Variants in GMCL1 observed in about 807,000 individuals in gnomAD.
The protein encoded by GMCL1 is germ cell-less 1, spermatogenesis associated, also known as germ cell-less protein-like 1.
Under a neutral mutation model 75.5 loss-of-function variants are expected in GMCL1, and 54 were observed. The observed-to-expected ratio is 0.71, with a 90% CI of 0.57 to 0.90. The LOEUF (loss-of-function observed/expected upper bound fraction) is 0.90, where lower values mean the gene tolerates loss of function less well. Ranked by LOEUF, GMCL1 falls within the 40% of genes least tolerant of loss-of-function variation. GMCL1 has a pLI of 0.00. For synonymous variants in GMCL1, 210 were observed against 209.6 expected (o/e 1.00, Z -0.02); for missense variants, 537 against 622.7 (o/e 0.86, Z 1.47).
chr2:69,854,361 TA>T (rs1675410071), intron 8 of GMCL1, among the ~76,000 whole-genome samples: 1 of 152,188 alleles, frequency 6.6e-6, no homozygotes, highest in African/African-American at 2.4e-5. Context: ...ATTAATATAT[TA>T]ACTAGTGTTC....
At chr2:69,839,423 A>G in intron 2 of GMCL1, 34 bp from the exon 3 acceptor site, 1 of 1,286,088 alleles carries the variant, frequency 7.8e-7, no homozygotes, top group East Asian at 2.3e-5. Flanking sequence ...CACAGAAAGT[A>G]CTTGATAATC....
intron 8 of GMCL1, among the ~76,000 whole-genome samples, chr2:69,852,621 C>T (rs922066775): frequency 2.6e-5 from 4 of 151,950 alleles, no homozygotes; most frequent in Non-Finnish European, 5.9e-5. Context: ...TCAGTGCAAC[C>T]TCCACCTCCC....
intron 10 of GMCL1, 129 bp downstream of exon 10, chr2:69,861,476 A>T: frequency 1.8e-6 from 1 of 544,556 alleles, no homozygotes; most frequent in Non-Finnish European, 3.3e-6. Flanking sequence ...TCATATAATC[A>T]CTTTTTATTA....
At chr2:69,871,945 G>T in intron 13 of GMCL1, 113 bp downstream of exon 13, 2 of 671,050 alleles carry the variant, frequency 3.0e-6, no homozygotes, top group South Asian at 1.9e-5. Context: ...CCTAAAAGTT[G>T]GTTTAAAAGT....
chr2:69,854,478 G>C (rs985331881), intron 8 of GMCL1, among the ~76,000 whole-genome samples: 4 of 152,140 alleles, frequency 2.6e-5, no homozygotes, highest in African/African-American at 9.7e-5. Flanking sequence ...TCACTGGCCT[G>C]TTCAGGTCTT....
intron 8 of GMCL1, among the ~76,000 whole-genome samples, chr2:69,853,312 G>A (rs954971431): frequency 2.6e-5 from 4 of 152,164 alleles, no homozygotes; most frequent in African/African-American, 9.7e-5. Context: ...ATAAATAAGT[G>A]AAGTTAACTA....
In GMCL1 at chr2:69,830,062, G is replaced by C. The variant is rs1674625369; in HGVS notation, c.170G>C (p.Gly57Ala). Residue 57 changes from glycine to alanine, a missense_variant, in exon 1 of 14, where the codon GGG becomes GCG. Physicochemically the swap from Gly to Ala is moderately conservative, Grantham distance 60. Transcript: ENST00000282570. ...AGCCACAAGCGCAAGCGGAGCAGCG[G>C]GTCCTTCTGCTACTGTCACCCTGAC... ...AGSHKRKRSS[G>A]SFCYCHPDSE... 1 of 1,570,426 alleles carries C rather than the reference G, an allele frequency of 6.4e-7. No individual in the cohort carries two copies. Among genetic ancestry groups the C allele is most frequent in the African/African-American group, 1.4e-5 (1 of 74,054 alleles).
intron 12 of GMCL1, among the ~76,000 whole-genome samples, chr2:69,870,218 AAT>A (rs1675947318): frequency 6.6e-6 from 1 of 151,996 alleles, no homozygotes; most frequent in African/African-American, 2.4e-5. Context: ...TAAAGGATTT[AAT>A]ATGTTAAATT....
At chr2:69,859,768 G>A (rs2104010985) in intron 9 of GMCL1, among the ~76,000 whole-genome samples, 1 of 95,562 alleles carries the variant, frequency 1.0e-5, no homozygotes, top group East Asian at 3.5e-4. Flanking sequence ...AGTATATATG[G>A]GATGTTTTAA....
intron 6 of GMCL1, among the ~76,000 whole-genome samples, chr2:69,846,445 T>C (rs1001555892): frequency 6.6e-6 from 1 of 152,222 alleles, no homozygotes; most frequent in Non-Finnish European, 1.5e-5. Context: ...TGAGAGGATG[T>C]GCATAGGTTA....
chr2:69,878,938 G>A lies in GMCL1; in HGVS notation c.1482G>A (p.Arg494=). The part of the protein sequence containing the change: ...QEQVVMNLDS[R]LLIFPLYICC... ...AAGTGGTGATGAACTTGGACAGCAG[G>A]CTTCTGATCTTCCCTTTATATATCT... Residue 494 remains arginine, a synonymous_variant, in exon 14 of 14, where the codon AGG becomes AGA. Transcript: ENST00000282570. The A allele has an allele frequency of 6.2e-7, 1 of 1,610,146 alleles. No homozygotes were observed.
At chr2:69,853,055 G>A (rs907911889) in intron 8 of GMCL1, among the ~76,000 whole-genome samples, 2 of 152,192 alleles carry the variant, frequency 1.3e-5, no homozygotes, top group African/African-American at 4.8e-5. Context: ...TCTTACAGAA[G>A]TAAATGAGCC....
Position 69,829,879 on chromosome 2 carries a change from G to T in GMCL1, c.-14G>T. 1 of 1,571,796 alleles carries T rather than the reference G, an allele frequency of 6.4e-7. No homozygotes were observed. ...CTTCTCTGGGCTCCCTGAAGTCTCG[G>T]GGAGCCGTGACCCATGGGATCGTTG... On this transcript the variant is annotated 5_prime_UTR_variant, in exon 1 of 14. Transcript: ENST00000282570.
rs538506077 is a variant in GMCL1, at chr2:69,862,715, C to T, written c.1142+1368C>T. 7.2e-5 allele frequency among the ~76,000 whole-genome samples: 11 copies of T among 151,766 alleles called. No homozygotes were observed. The East Asian group carries it at 1.4e-3, about 19-fold the overall frequency. ...CGGAAGTTGCAGTGAGCCAAGATTG[C>T]GCCATTGCACTCCAGCCTGGGCAAC... On this transcript the variant is annotated intron_variant, in intron 10 of 13. Coordinates refer to ENST00000282570, the MANE Select transcript of GMCL1 (RefSeq NM_178439.5).
intron 11 of GMCL1, 36 bp from the exon 12 acceptor site, chr2:69,869,683 T>C: frequency 3.8e-6 from 6 of 1,597,044 alleles, no homozygotes; most frequent in Non-Finnish European, 5.1e-6. Flanking sequence ...GCTAATATGA[T>C]AAACTGAAAT....
chr2:69,844,283 C>A, intron 6 of GMCL1, 87 bp downstream of exon 6: 1 of 712,234 alleles, frequency 1.4e-6, no homozygotes, highest in Non-Finnish European at 2.3e-6. Context: ...TTGTAGAACA[C>A]AAAAATATAT....
At position 69,879,263 on chromosome 2, in the gene GMCL1, G is replaced by A; in HGVS notation, c.*259G>A. The A allele has an allele frequency of 4.1e-6, 1 of 245,450 alleles. No homozygotes were observed. The highest frequency in any genetic ancestry group is 7.8e-6 in the Non-Finnish European group (1 of 128,634). The allele number at this position is 245,450 out of a possible 1,614,324, so 15.2% of individuals were successfully genotyped here. The stretch of plus-strand genomic sequence containing the variant: ...TCTGTCAAACCATTTCTGTTAGAAC[G>A]ATGTCAATTCATGCTTTTAATTTAG... On this transcript the variant is annotated 3_prime_UTR_variant, in exon 14 of 14. Transcript: ENST00000282570.
chr2:69,872,726 G>A (rs568700303), intron 13 of GMCL1, among the ~76,000 whole-genome samples: 2 of 152,286 alleles, frequency 1.3e-5, no homozygotes, highest in Admixed American at 1.3e-4. Flanking sequence ...CCATTTCAAG[G>A]CAGGTATATA....
At chr2:69,866,253 A>G (rs1163667688) in intron 11 of GMCL1, among the ~76,000 whole-genome samples, 2 of 152,030 alleles carry the variant, frequency 1.3e-5, no homozygotes, top group Non-Finnish European at 2.9e-5. Context: ...TCTCAAGAAA[A>G]AAAAAAAAAA....
Sources: gnomAD v4.1 joint callset for allele counts (sites outside exome capture counted in the v4.1 genomes callset) on GRCh38, gnomAD v4.1.1 for gene constraint, MANE v1.5 for transcripts, NCBI Gene and HGNC (gene_info 2026-07-23, HGNC 2026-07-21) for gene names.